Variants in DNAH10 observed in about 807,000 individuals in gnomAD.
DNAH10 encodes dynein axonemal heavy chain 10, also known as axonemal beta dynein heavy chain 10.
A neutral mutation model predicts 506.6 loss-of-function variants in DNAH10; 348 were observed. The observed-to-expected ratio is 0.69, with a 90% CI of 0.63 to 0.75. DNAH10 has a LOEUF of 0.75. Among genes scored for constraint, DNAH10 ranks in the 30% least tolerant of loss-of-function variants. The pLI, the probability that DNAH10 is intolerant of heterozygous loss-of-function variation, is 0.00. For synonymous variants in DNAH10, 2,059 were observed against 2,198.6 expected, an observed-to-expected ratio of 0.94 and a Z score of 1.78; for missense variants, 5,179 against 5,787.1, an observed-to-expected ratio of 0.89 and a Z score of 3.41.
chr12:123,929,896 C>G (rs993507964), intron 72 of DNAH10, 137 bp downstream of exon 72: 1 of 734,432 alleles, frequency 1.4e-6, no homozygotes, highest in African/African-American at 1.8e-5. Flanking sequence ...TGACAATTCT[C>G]TCTGCTCTCA....
rs755899458 is a variant in DNAH10, at chr12:123,762,549, T to C, written c.213T>C (p.Ile71=). The C allele has an allele frequency of 6.4e-7, 1 of 1,554,232 alleles. No individual in the cohort carries two copies. The highest frequency in any genetic ancestry group is 8.7e-7 in the Non-Finnish European group (1 of 1,150,610). The change falls in exon 1 of 79, where the codon ATT becomes ATC. Residue 71 remains isoleucine (I), a splice_region_variant and synonymous_variant. Transcript: ENST00000673944. The surrounding 1 kb of genome is among the most constrained non-coding windows in gnomAD (Gnocchi z 5.0). ...TMVPEEVEVE[I]DEIPVLSEEG... ...TGCCGGAGGAGGTGGAGGTGGAGAT[T>C]GGTGAGCCTCGACGCGCCGCTCCCT...
chr12:123,919,682 T>C lies in DNAH10; in HGVS notation c.11506+733T>C, dbSNP rs1954642764. On this transcript the variant is annotated intron_variant, in intron 65 of 78. Coordinates refer to ENST00000673944, the MANE Select transcript of DNAH10 (RefSeq NM_001372106.1). The surrounding 1 kb of genome is among the most constrained non-coding windows in gnomAD (Gnocchi z 4.9). ...CTTCCATCTGTAAGGATTTACTTGC[T>C]CTGAACACTTCATGTCAATGGCATC... 6.6e-6 allele frequency among the ~76,000 whole-genome samples: 1 copy of C among 152,208 alleles called. No homozygotes were observed. The highest frequency in any genetic ancestry group is 1.5e-5 in the Non-Finnish European group (1 of 68,044).
chr12:123,930,430 G>A lies in DNAH10; in HGVS notation c.12641G>A (p.Ser4214Asn). Residue 4214 changes from serine to asparagine, a missense_variant, in exon 73 of 79, where the codon AGC becomes AAC. Physicochemically the swap from Ser to Asn is conservative, Grantham distance 46 (BLOSUM62 1). Coordinates refer to ENST00000673944, the MANE Select transcript of DNAH10 (RefSeq NM_001372106.1). ...ATGTATGGAGGACGGGCCATCGACA[G>A]CTTTGATCGCCGCATCCTGACCATC... Reference protein sequence around the residue: ...EVMYGGRAIDSFDRRILTIYM... With the variant: ...EVMYGGRAIDNFDRRILTIYM... 6.3e-7 allele frequency: 1 copy of A among 1,591,814 alleles called. No homozygotes were observed. The highest frequency in any genetic ancestry group is 8.5e-7 in the Non-Finnish European group (1 of 1,172,446).
chr12:123,828,338 G>T (rs1057166804), intron 25 of DNAH10, among the ~76,000 whole-genome samples: 2 of 152,094 alleles, frequency 1.3e-5, no homozygotes, highest in African/African-American at 4.8e-5. Context: ...GTCAAAACAG[G>T]TTTATTTTAG....
In DNAH10 at chr12:123,928,639, C is replaced by G. The variant is rs753339732; in HGVS notation, c.12306+52C>G. 23 of 1,529,068 alleles carry G rather than the reference C, an allele frequency of 1.5e-5. No homozygotes were observed. The highest frequency in any genetic ancestry group is 2.0e-5 in the Non-Finnish European group (23 of 1,131,696). The allele number at this position is 1,529,068 out of a possible 1,614,324, so 94.7% of individuals were successfully genotyped here. ...TGCCAGCACGCAGCTTCTCAGAACA[C>G]CTGCATGCTGCTCTGGGGCCGGGGT... On this transcript the variant is annotated intron_variant, in intron 70 of 78. Coordinates refer to ENST00000673944, the MANE Select transcript of DNAH10 (RefSeq NM_001372106.1). The surrounding 1 kb of genome is among the most constrained non-coding windows in gnomAD (Gnocchi z 4.9).
At chr12:123,805,147 G>T in intron 18 of DNAH10, 107 bp downstream of exon 18, 1 of 1,197,342 alleles carries the variant, frequency 8.4e-7, no homozygotes, top group Non-Finnish European at 1.2e-6. Flanking sequence ...AAATCAGTTG[G>T]ATGGTCAGAG....
rs1307874756 is a variant in DNAH10, at chr12:123,850,720, AG to A, written c.6103-162del. On this transcript the variant is annotated intron_variant, in intron 34 of 78. Transcript: ENST00000673944. This position sits in a 1 kb window ranked among gnomAD's most constrained non-coding sequence, Gnocchi z 5.5. ...CCTGCCCTCCCCAAGGCCTTCAGCG[AG>A]GGGGGCCCTGCATTGAACACCGGGG... Among the ~76,000 whole-genome samples the A allele has an allele frequency of 3.3e-5, 5 of 152,208 alleles. No individual in the cohort carries two copies. In the East Asian group the frequency reaches 7.7e-4, roughly 24 times the overall value.
intron 36 of DNAH10, among the ~76,000 whole-genome samples, chr12:123,854,378 G>A (rs773127762): frequency 1.3e-4 from 20 of 152,128 alleles, no homozygotes; most frequent in Non-Finnish European, 1.6e-4. Flanking sequence ...AAGGCTCTAC[G>A]AAGAAGAGTG....
At chr12:123,818,105 C>G (rs1371274374) in intron 21 of DNAH10, among the ~76,000 whole-genome samples, 1 of 151,774 alleles carries the variant, frequency 6.6e-6, no homozygotes, top group Admixed American at 6.6e-5. Context: ...TGCGCCACCA[C>G]CCCAGCTAAT....
rs1302105603 is a variant in DNAH10, at chr12:123,929,718, C to A, written c.12571C>A (p.Pro4191Thr). ...YLTKAFQQRD[P>T]RIPWGSLKYL... ...AACGAAAGCCTTCCAGCAACGGGAC[C>A]CAAGGATCCCGTGGGGCAGCCTCAA... The change falls in exon 72 of 79, where the codon CCA (proline) becomes ACA (threonine). Residue 4191 changes from proline (P) to threonine (T), a missense_variant. Transcript: ENST00000673944. The A allele has an allele frequency of 3.1e-6, 5 of 1,613,418 alleles. No homozygotes were observed. The highest frequency in any genetic ancestry group is 4.2e-6 in the Non-Finnish European group (5 of 1,179,764).
intron 30 of DNAH10, among the ~76,000 whole-genome samples, chr12:123,843,089 A>G (rs1950827163): frequency 6.6e-6 from 1 of 152,248 alleles, no homozygotes; most frequent in Non-Finnish European, 1.5e-5. Context: ...TTGCTAGGGC[A>G]TTGCTATGTT....
chr12:123,788,410 G>A (rs1957945523), intron 10 of DNAH10, among the ~76,000 whole-genome samples: 1 of 152,196 alleles, frequency 6.6e-6, no homozygotes, highest in African/African-American at 2.4e-5. Context: ...AAAGTGCCTA[G>A]TGGCTGATTG....
At chr12:123,932,784 C>T (rs944054588) in intron 76 of DNAH10, 11 of 152,536 alleles carry the variant, frequency 7.2e-5, no homozygotes, top group Non-Finnish European at 1.0e-4. Context: ...TGAGTCTGAG[C>T]GTATTTTGCA....
At chr12:123,857,723 T>A (rs555596536) in intron 37 of DNAH10, among the ~76,000 whole-genome samples, 92 of 152,278 alleles carry the variant, frequency 6.0e-4, no homozygotes, top group African/African-American at 2.2e-3. Context: ...CGAGACTCCG[T>A]CTCAAAAAAT....
Position 123,787,166 on chromosome 12 carries a change from A to G in DNAH10, c.1422-638A>G, listed in dbSNP as rs1326482103. Among the ~76,000 whole-genome samples the G allele has an allele frequency of 3.9e-5, 6 of 152,006 alleles. No individual in the cohort carries two copies. Among genetic ancestry groups the G allele is most frequent in the African/African-American group, 1.2e-4 (5 of 41,368 alleles). ...GATAGACAGATCTATCTGGATATCT[A>G]TGTAGATCTATCTATATGTATCTAG... On this transcript the variant is annotated intron_variant, in intron 9 of 78. Transcript: ENST00000673944. This position sits in a 1 kb window ranked among gnomAD's most constrained non-coding sequence, Gnocchi z 4.6.
chr12:123,821,939 G>A (rs1019711261), intron 24 of DNAH10, among the ~76,000 whole-genome samples: 27 of 151,794 alleles, frequency 1.8e-4, no homozygotes, highest in Non-Finnish European at 5.9e-5. Context: ...GGGCACAGTG[G>A]CTCACACCTG....
In DNAH10 at chr12:123,848,770, C is replaced by CT. The variant is rs1951052356; in HGVS notation, c.5992dup (p.Trp1998LeufsTer5). 1 of 1,613,982 alleles carries CT rather than the reference C, an allele frequency of 6.2e-7. No individual in the cohort carries two copies. Among genetic ancestry groups the CT allele is most frequent in the Admixed American group, 1.7e-5 (1 of 60,016 alleles). On this transcript the variant is annotated frameshift_variant, in exon 34 of 79. Coordinates refer to ENST00000673944, the MANE Select transcript of DNAH10 (RefSeq NM_001372106.1). LOFTEE classifies it high-confidence loss of function. ...TTCTCTGGCCTGGCACAGTGCGGGG[C>CT]TTGGGGCTGCTTTGATGAGTTTAAT...
At chr12:123,842,967 C>T (rs1444897436) in intron 30 of DNAH10, among the ~76,000 whole-genome samples, 2 of 152,236 alleles carry the variant, frequency 1.3e-5, no homozygotes, top group Non-Finnish European at 2.9e-5. Flanking sequence ...ACAGAAATCT[C>T]TGCCTTCTGT....
At chr12:123,808,123 C>T (rs1267071057) in intron 18 of DNAH10, among the ~76,000 whole-genome samples, 1 of 152,128 alleles carries the variant, frequency 6.6e-6, no homozygotes, top group Non-Finnish European at 1.5e-5. Flanking sequence ...GCCTCAACCT[C>T]CCTGTCTCAA....
Sources: gnomAD v4.1 joint callset for allele counts (sites outside exome capture counted in the v4.1 genomes callset) on GRCh38, gnomAD v4.1.1 for gene constraint, Gnocchi (gnomAD v3.1) non-coding constraint, MANE v1.5 for transcripts, NCBI Gene and HGNC (gene_info 2026-07-23, HGNC 2026-07-21) for gene names.